Variants in TAF3 observed in about 807,000 individuals in gnomAD.
TAF3 encodes transcription initiation factor TFIID subunit 3.
A neutral mutation model predicts 80.6 loss-of-function variants in TAF3; 7 were observed. That is an observed-to-expected ratio of 0.09 (90% CI 0.05 to 0.16). The LOEUF (loss-of-function observed/expected upper bound fraction) is 0.16. Among genes scored for constraint, TAF3 ranks in the 10% least tolerant of loss-of-function variants. The pLI, the probability that TAF3 is intolerant of heterozygous loss-of-function variation, is 1.00. For missense variants in TAF3, 921 were observed against 1,140.2 expected, an observed-to-expected ratio of 0.81 and a Z score of 2.77; for synonymous variants, 444 against 446.1, an observed-to-expected ratio of 1.00 and a Z score of 0.06.
chr10:7,927,791 T>A (rs1837829537), intron 2 of TAF3, among the ~76,000 whole-genome samples: 1 of 152,190 alleles, frequency 6.6e-6, no homozygotes, highest in Non-Finnish European at 1.5e-5. Context: ...AGTATAAAAA[T>A]TATGTTAATA....
chr10:7,991,529 T>C (rs748994575), intron 4 of TAF3, among the ~76,000 whole-genome samples: 2 of 152,110 alleles, frequency 1.3e-5, no homozygotes, highest in African/African-American at 2.4e-5. Flanking sequence ...AACAGAGATA[T>C]AATATTAAAC....
chr10:7,907,553 T>A (rs1416142274), intron 2 of TAF3, among the ~76,000 whole-genome samples: 5 of 152,226 alleles, frequency 3.3e-5, no homozygotes, highest in African/African-American at 1.2e-4. Flanking sequence ...TCAGATGTCA[T>A]GCTGACATTG....
intron 5 of TAF3, among the ~76,000 whole-genome samples, chr10:8,011,399 G>A (rs888036240): frequency 1.7e-4 from 26 of 152,008 alleles, no homozygotes; most frequent in Non-Finnish European, 8.8e-5. Flanking sequence ...GACCACAGGC[G>A]TCTGCCACCA....
intron 2 of TAF3, among the ~76,000 whole-genome samples, chr10:7,935,333 T>C (rs572048547): frequency 1.3e-3 from 199 of 151,690 alleles, no homozygotes; most frequent in South Asian, 3.3e-3. Flanking sequence ...CGCGGTGGCT[T>C]ATGCCTGTAA....
intron 2 of TAF3, among the ~76,000 whole-genome samples, chr10:7,959,600 CACAA>C (rs1196745750): frequency 2.0e-5 from 3 of 152,238 alleles, no homozygotes; most frequent in Admixed American, 6.5e-5. Flanking sequence ...TTTACTGAAA[CACAA>C]ACAACCATCA....
At chr10:8,008,159 A>C (rs1429971421) in intron 4 of TAF3, among the ~76,000 whole-genome samples, 2 of 139,930 alleles carry the variant, frequency 1.4e-5, no homozygotes, top group African/African-American at 5.4e-5. Flanking sequence ...TGCAGTGGCG[A>C]GATCTCGGCT....
intron 2 of TAF3, among the ~76,000 whole-genome samples, chr10:7,933,929 TG>T (rs1837892711): frequency 2.6e-5 from 4 of 152,320 alleles, no homozygotes; most frequent in African/African-American, 9.6e-5. Context: ...TCACAGTCAC[TG>T]CCTGGCAGCT....
chr10:7,901,946 C>T (rs1837562242), intron 2 of TAF3, among the ~76,000 whole-genome samples: 2 of 151,990 alleles, frequency 1.3e-5, no homozygotes, highest in African/African-American at 2.4e-5. Context: ...GGCTTTCTTC[C>T]CTTTGAACTG....
chr10:7,956,977 AG>A (rs1269246885), intron 2 of TAF3, among the ~76,000 whole-genome samples: 2 of 152,086 alleles, frequency 1.3e-5, no homozygotes, highest in African/African-American at 2.4e-5. Context: ...CTAGAACTAT[AG>A]GGGTTATATA....
chr10:7,903,003 T>C (rs1837573944), intron 2 of TAF3, among the ~76,000 whole-genome samples: 1 of 152,148 alleles, frequency 6.6e-6, no homozygotes, highest in Non-Finnish European at 1.5e-5. Context: ...GGAGGATTGC[T>C]TGATCCCAGG....
intron 1 of TAF3, among the ~76,000 whole-genome samples, chr10:7,819,329 C>A (rs1308590385): frequency 6.6e-6 from 1 of 152,186 alleles, no homozygotes; most frequent in Admixed American, 6.5e-5. Context: ...TTCCTGGGCT[C>A]CTAACTACAT....
chr10:7,888,430 T>G (rs1837429716), intron 2 of TAF3, among the ~76,000 whole-genome samples: 1 of 152,206 alleles, frequency 6.6e-6, no homozygotes, highest in Admixed American at 6.5e-5. Flanking sequence ...CATTAATTCA[T>G]TTACTTTTGA....
chr10:7,929,654 G>A (rs565399838), intron 2 of TAF3, among the ~76,000 whole-genome samples: 2 of 152,154 alleles, frequency 1.3e-5, no homozygotes, highest in South Asian at 2.1e-4. Flanking sequence ...GTGAGCCACC[G>A]TGCCTGGCCC....
intron 2 of TAF3, among the ~76,000 whole-genome samples, chr10:7,857,719 C>G (rs1165647668): frequency 2.0e-5 from 3 of 152,068 alleles, no homozygotes; most frequent in Non-Finnish European, 4.4e-5. Context: ...AAGAAAAGCT[C>G]TTAGCTTTCT....
chr10:7,835,261 GT>G (rs1028034854), intron 2 of TAF3, among the ~76,000 whole-genome samples: 6 of 152,200 alleles, frequency 3.9e-5, no homozygotes, highest in African/African-American at 1.4e-4. Context: ...TTTTAAGAAA[GT>G]TTACAACTTT....
At chr10:7,963,883 A>G in intron 2 of TAF3, 37 bp from the exon 3 acceptor site, 1 of 1,496,860 alleles carries the variant, frequency 6.7e-7, no homozygotes, top group Non-Finnish European at 8.9e-7. Context: ...CATTCCAATA[A>G]TATTTATTTT....
intron 2 of TAF3, among the ~76,000 whole-genome samples, chr10:7,895,894 G>C (rs867469251): frequency 6.6e-6 from 1 of 152,178 alleles, no homozygotes; most frequent in Non-Finnish European, 1.5e-5. Flanking sequence ...CCTGCGCCTA[G>C]TTATCACGTG....
At chr10:7,992,459 G>T (rs1692509625) in intron 4 of TAF3, among the ~76,000 whole-genome samples, 1 of 152,176 alleles carries the variant, frequency 6.6e-6, no homozygotes, top group Admixed American at 6.5e-5. Context: ...AGTGTTAAAG[G>T]CTGGAAGAGA....
intron 4 of TAF3, among the ~76,000 whole-genome samples, chr10:8,007,562 TTATATATATA>T (rs34833399): frequency 0.053 from 3,225 of 60,450 alleles, 163 homozygotes; most frequent in Admixed American, 0.11. Context: ...GTGTGTGAAA[TTATATATATA>T]TATATATATA....
Sources: allele counts gnomAD v4.1 joint callset (sites outside exome capture counted in the v4.1 genomes callset), GRCh38; gene constraint gnomAD v4.1.1; transcripts MANE v1.5; gene names NCBI Gene and HGNC (gene_info 2026-07-23, HGNC 2026-07-21).